DNAJC1: variants seen among roughly 807,000 people sequenced by gnomAD.
DNAJC1 encodes dnaJ homolog subfamily C member 1.
A neutral mutation model predicts 76.6 loss-of-function variants in DNAJC1; 58 were observed. That is an observed-to-expected ratio of 0.76 (90% CI 0.61 to 0.94). DNAJC1 has a LOEUF of 0.94. Among genes scored for constraint, DNAJC1 ranks in the 40% least tolerant of loss-of-function variants. DNAJC1 has a pLI of 0.00. For missense variants in DNAJC1, 689 were observed against 677.3 expected, an observed-to-expected ratio of 1.02 and a Z score of -0.19; for synonymous variants, 258 against 267.9, an observed-to-expected ratio of 0.96 and a Z score of 0.36.
intron 8 of DNAJC1, among the ~76,000 whole-genome samples, chr10:21,831,831 G>A (rs948995259): frequency 6.6e-6 from 1 of 151,644 alleles, no homozygotes; most frequent in African/African-American, 2.4e-5. Flanking sequence ...TCTTGGAACG[G>A]TCATTCATAT....
intron 1 of DNAJC1, among the ~76,000 whole-genome samples, chr10:21,952,023 G>A (rs1320967819): frequency 1.3e-5 from 2 of 152,124 alleles, no homozygotes; most frequent in African/African-American, 4.8e-5. Context: ...TGCAAATTTA[G>A]CTGACTATAC....
intron 10 of DNAJC1, among the ~76,000 whole-genome samples, chr10:21,763,394 A>G (rs1406627420): frequency 6.6e-6 from 1 of 152,222 alleles, no homozygotes; most frequent in African/African-American, 2.4e-5. Flanking sequence ...CATAAGAAAG[A>G]GGGAGGCAAA....
chr10:21,801,715 C>T (rs1428200266), intron 9 of DNAJC1, among the ~76,000 whole-genome samples: 2 of 151,990 alleles, frequency 1.3e-5, no homozygotes, highest in African/African-American at 4.8e-5. Flanking sequence ...CTATTCACAA[C>T]AGCAAAGGGA....
At chr10:21,813,096 C>CATATATATAT (rs373917334) in intron 8 of DNAJC1, among the ~76,000 whole-genome samples, 1,547 of 117,264 alleles carry the variant, frequency 0.013, 26 homozygotes, top group Non-Finnish European at 0.018. Flanking sequence ...TACACACACA[C>CATATATATAT]ATATATATAT....
intron 1 of DNAJC1, among the ~76,000 whole-genome samples, chr10:21,963,977 C>A (rs1334238491): frequency 3.9e-5 from 6 of 152,118 alleles, no homozygotes; most frequent in Non-Finnish European, 8.8e-5. Flanking sequence ...GGCATTCTTT[C>A]CCCACCCCTA....
At chr10:21,916,331 T>C (rs7081865) in intron 6 of DNAJC1, among the ~76,000 whole-genome samples, 72 of 151,970 alleles carry the variant, frequency 4.7e-4, no homozygotes, top group African/African-American at 1.6e-3. Flanking sequence ...CTACTAAAAA[T>C]ACAAAAAATT....
chr10:21,988,549 G>C (rs78183883), intron 1 of DNAJC1, among the ~76,000 whole-genome samples: 1,703 of 152,092 alleles, frequency 0.011, 19 homozygotes, highest in Middle Eastern at 0.027. Flanking sequence ...TCTATAAACT[G>C]CTTAAAGCTT....
intron 7 of DNAJC1, among the ~76,000 whole-genome samples, chr10:21,900,199 C>T (rs1254052790): frequency 5.9e-5 from 9 of 151,774 alleles, no homozygotes; most frequent in East Asian, 3.9e-4. Flanking sequence ...AAAAATTAGC[C>T]GGTCATGGTG....
At chr10:21,905,818 A>G (rs1836734964) in intron 6 of DNAJC1, among the ~76,000 whole-genome samples, 1 of 152,160 alleles carries the variant, frequency 6.6e-6, no homozygotes, top group Non-Finnish European at 1.5e-5. Context: ...AAGGTGAAAT[A>G]AGAAAAAGAA....
chr10:22,003,073 C>G, intron 1 of DNAJC1, 140 bp downstream of exon 1: 2 of 1,306,970 alleles, frequency 1.5e-6, no homozygotes, highest in East Asian at 3.1e-5. Context: ...GGCTGAGGAC[C>G]CCGGTGACCC....
intron 1 of DNAJC1, among the ~76,000 whole-genome samples, chr10:21,999,451 C>CTTTTTTTTTTTTTTTTTTTTTTTTTTT (rs140026558): frequency 1.1e-5 from 1 of 94,032 alleles, no homozygotes; most frequent in Non-Finnish European, 1.9e-5. Context: ...CTTCTTGACT[C>CTTTTTTTTTTTTTTTTTTTTTTTTTTT]TTTTTTTTTT....
At chr10:21,972,316 AGTAGCACTGCCT>A (rs1837993719) in intron 1 of DNAJC1, among the ~76,000 whole-genome samples, 1 of 152,006 alleles carries the variant, frequency 6.6e-6, no homozygotes, top group Non-Finnish European at 1.5e-5. Flanking sequence ...CCATATTTTG[AGTAGCACTGCCT>A]CAGGTAGGGA....
chr10:21,868,294 T>C (rs1730354327), intron 8 of DNAJC1, among the ~76,000 whole-genome samples: 1 of 151,304 alleles, frequency 6.6e-6, no homozygotes, highest in South Asian at 2.1e-4. Flanking sequence ...CCAGCTAATT[T>C]TGTATTTTTA....
chr10:21,967,177 A>G (rs1837907401), intron 1 of DNAJC1, among the ~76,000 whole-genome samples: 1 of 152,122 alleles, frequency 6.6e-6, no homozygotes, highest in African/African-American at 2.4e-5. Flanking sequence ...TCACTCCAAA[A>G]GTTCTATAAT....
intron 8 of DNAJC1, among the ~76,000 whole-genome samples, chr10:21,857,495 T>C (rs1206693083): frequency 6.6e-6 from 1 of 152,120 alleles, no homozygotes; most frequent in Non-Finnish European, 1.5e-5. Context: ...ATTTTTTGTA[T>C]CATTCTTTAA....
chr10:21,844,328 G>A (rs769978592), intron 8 of DNAJC1, among the ~76,000 whole-genome samples: 3 of 150,834 alleles, frequency 2.0e-5, no homozygotes, highest in Non-Finnish European at 4.4e-5. Flanking sequence ...GGCTGGTCTC[G>A]AATCCTGGCC....
intron 8 of DNAJC1, among the ~76,000 whole-genome samples, chr10:21,871,875 T>C (rs1836110424): frequency 6.6e-6 from 1 of 151,848 alleles, no homozygotes. Context: ...CCTCGAGTGA[T>C]CCTCCTGCCT....
chr10:21,921,131 T>C (rs1242079968), intron 3 of DNAJC1, among the ~76,000 whole-genome samples, 168 bp from the exon 4 acceptor site: 1 of 152,024 alleles, frequency 6.6e-6, no homozygotes, highest in Admixed American at 6.6e-5. Context: ...GCACTGTAGA[T>C]AGCTCTAGTC....
chr10:21,762,745 G>A (rs1259948153), intron 10 of DNAJC1, among the ~76,000 whole-genome samples: 2 of 152,046 alleles, frequency 1.3e-5, no homozygotes, highest in African/African-American at 4.8e-5. Flanking sequence ...GGGCAGCTGG[G>A]ACTACAGGCC....
Sources: allele counts gnomAD v4.1 joint callset (sites outside exome capture counted in the v4.1 genomes callset), GRCh38; gene constraint gnomAD v4.1.1; transcripts MANE v1.5; gene names NCBI Gene and HGNC (gene_info 2026-07-23, HGNC 2026-07-21).